IL1RAPL1: variants seen among roughly 807,000 people sequenced by gnomAD.
The protein encoded by IL1RAPL1 is interleukin 1 receptor accessory protein like 1, also known as interleukin-1 receptor accessory protein-like 1.
Under a neutral mutation model 48.4 loss-of-function variants are expected in IL1RAPL1, and 3 were observed. The ratio of observed to expected loss-of-function variants is 0.06; its 90% CI spans 0.03 to 0.16. IL1RAPL1 has a LOEUF of 0.16. Among genes scored for constraint, IL1RAPL1 ranks in the 10% least tolerant of loss-of-function variants. The pLI is 1.00. For synonymous variants in IL1RAPL1, 185 were observed against 187.7 expected (o/e 0.99, Z 0.12); for missense variants, 349 against 530.6 (o/e 0.66, Z 3.36).
chrX:29,339,918 G>A (rs1017239457), intron 3 of IL1RAPL1, among the ~76,000 whole-genome samples: 2 of 111,666 alleles, frequency 1.8e-5, no homozygotes, highest in African/African-American at 6.5e-5. Context: ...ACTGGGATTT[G>A]TCTTTATATG....
intron 1 of IL1RAPL1, among the ~76,000 whole-genome samples, chrX:28,728,244 A>G (rs1268615292): frequency 8.9e-6 from 1 of 111,861 alleles, no homozygotes; most frequent in East Asian, 2.8e-4. Flanking sequence ...AATTTTAACT[A>G]TTCAAGGGTG....
intron 6 of IL1RAPL1, among the ~76,000 whole-genome samples, chrX:29,884,675 T>C (rs73456464): frequency 0.14 from 15,357 of 110,979 alleles, 2,530 homozygotes; most frequent in African/African-American, 0.47. Context: ...CCGTCTCTGC[T>C]GGAATAGACA....
At chrX:29,108,818 A>C (rs982905205) in intron 2 of IL1RAPL1, among the ~76,000 whole-genome samples, 4 of 111,750 alleles carry the variant, frequency 3.6e-5, no homozygotes, top group Admixed American at 9.6e-5. Flanking sequence ...GGGCATACAT[A>C]TGTTGAGCTT....
chrX:29,906,868 G>C (rs1601876824), intron 6 of IL1RAPL1, among the ~76,000 whole-genome samples: 2 of 110,100 alleles, frequency 1.8e-5, no homozygotes, highest in Admixed American at 9.8e-5. Flanking sequence ...TAAATCTGGT[G>C]GGGGGTGGAG....
chrX:29,953,816 TTCTC>T (rs1047771737), intron 9 of IL1RAPL1, among the ~76,000 whole-genome samples: 3 of 110,923 alleles, frequency 2.7e-5, no homozygotes, highest in Admixed American at 9.6e-5. Context: ...AGTTGCCGTT[TTCTC>T]TCTCTTTTTT....
intron 5 of IL1RAPL1, among the ~76,000 whole-genome samples, chrX:29,543,921 C>A (rs66756300): frequency 0.052 from 5,811 of 110,868 alleles, 231 homozygotes; most frequent in African/African-American, 0.12. Flanking sequence ...CAGAAGAGTC[C>A]AAATGATTAA....
chrX:29,233,446 T>C (rs1931236401), intron 2 of IL1RAPL1, among the ~76,000 whole-genome samples: 1 of 112,047 alleles, frequency 8.9e-6, no homozygotes, highest in Non-Finnish European at 1.9e-5. Context: ...ATTATAGTCT[T>C]ATTTAATCTT....
intron 1 of IL1RAPL1, among the ~76,000 whole-genome samples, chrX:28,658,291 C>G (rs1306431864): frequency 9.1e-6 from 1 of 110,360 alleles, no homozygotes; most frequent in African/African-American, 3.3e-5. Flanking sequence ...GATCTCGGCT[C>G]ACTGCAACCT....
At chrX:29,265,618 C>T (rs1301931411) in intron 2 of IL1RAPL1, among the ~76,000 whole-genome samples, 3 of 64,284 alleles carry the variant, frequency 4.7e-5, no homozygotes, top group African/African-American at 1.8e-4. Flanking sequence ...CTATCCCTCC[C>T]CCCTCCCCCC....
Position 29,861,202 on chromosome X carries a change from C to G in IL1RAPL1, c.779-56262C>G, listed in dbSNP as rs141390803. ...AGAGGAATTGAGGAGAAAACAAGGA[C>G]AAGAAATGCTCTAAAGAGAAGACTT... On this transcript the variant is annotated intron_variant, in intron 6 of 10. Transcript: ENST00000378993. Among the ~76,000 whole-genome samples, 966 of 111,470 alleles carry G rather than the reference C, an allele frequency of 8.7e-3. 10 individuals carry two copies. The highest frequency in any genetic ancestry group is 0.029 in the African/African-American group (879 of 30,687).
intron 1 of IL1RAPL1, among the ~76,000 whole-genome samples, chrX:28,679,780 T>G (rs1224112850): frequency 8.9e-6 from 1 of 111,862 alleles, no homozygotes; most frequent in African/African-American, 3.3e-5. Flanking sequence ...ATGTGTGGAT[T>G]TATTTCTGGG....
intron 1 of IL1RAPL1, among the ~76,000 whole-genome samples, chrX:28,678,828 A>T (rs753185359): frequency 1.8e-5 from 2 of 112,460 alleles, no homozygotes; most frequent in African/African-American, 6.4e-5. Context: ...ACAATTGACC[A>T]TTTAAAAATG....
rs1297923062 is a variant in IL1RAPL1, at chrX:29,323,663, G to A, written c.362+40446G>A. Reference sequence around the variant, plus strand: ...TTTCCATCAGATACTTCTCTGGAGTGGTTCCATAGGGATGCCAGATGCACT... The same window carrying A: ...TTTCCATCAGATACTTCTCTGGAGTAGTTCCATAGGGATGCCAGATGCACT... On this transcript the variant is annotated intron_variant, in intron 3 of 10. Coordinates refer to ENST00000378993, the MANE Select transcript of IL1RAPL1 (RefSeq NM_014271.4). Among the ~76,000 whole-genome samples the A allele has an allele frequency of 7.3e-5, 6 of 82,259 alleles. 1 individual carries two copies. The highest frequency in any genetic ancestry group is 8.6e-4 in the East Asian group (2 of 2,329). The allele number at this position is 82,259 out of a possible 115,157, so 71.4% of individuals were successfully genotyped here.
chrX:28,748,523 G>A (rs1936004844), intron 1 of IL1RAPL1, among the ~76,000 whole-genome samples: 1 of 111,217 alleles, frequency 9.0e-6, no homozygotes, highest in Admixed American at 9.6e-5. Flanking sequence ...TAAATTTGAT[G>A]GAACAAACCT....
intron 6 of IL1RAPL1, among the ~76,000 whole-genome samples, chrX:29,812,817 A>G (rs1396697580): frequency 9.0e-6 from 1 of 111,517 alleles, no homozygotes; most frequent in African/African-American, 3.3e-5. Context: ...TAAGCTGATG[A>G]TAAATAGTCT....
chrX:29,416,459 T>C (rs763200235), intron 5 of IL1RAPL1, among the ~76,000 whole-genome samples: 1 of 110,746 alleles, frequency 9.0e-6, no homozygotes, highest in East Asian at 2.8e-4. Context: ...TCACTTGAAC[T>C]TGGGGGGGCA....
intron 6 of IL1RAPL1, among the ~76,000 whole-genome samples, chrX:29,815,106 A>G (rs1339522673): frequency 9.0e-6 from 1 of 111,451 alleles, no homozygotes; most frequent in Non-Finnish European, 1.9e-5. Context: ...TTTTTTCCTA[A>G]TCCTGTGAAA....
chrX:29,216,814 C>T (rs1352873382), intron 2 of IL1RAPL1, among the ~76,000 whole-genome samples: 1 of 111,563 alleles, frequency 9.0e-6, no homozygotes, highest in African/African-American at 3.3e-5. Flanking sequence ...CTTTAATATT[C>T]ACAATATAGC....
At chrX:29,460,879 A>G (rs1046475229) in intron 5 of IL1RAPL1, among the ~76,000 whole-genome samples, 1 of 111,736 alleles carries the variant, frequency 8.9e-6, no homozygotes, top group Non-Finnish European at 1.9e-5. Flanking sequence ...GAGTGGACCA[A>G]TATTTCTTAA....
Sources: gnomAD v4.1 joint callset for allele counts (sites outside exome capture counted in the v4.1 genomes callset) on GRCh38, gnomAD v4.1.1 for gene constraint, MANE v1.5 for transcripts, NCBI Gene and HGNC (gene_info 2026-07-23, HGNC 2026-07-21) for gene names.